The following PVT1 variants were observed in gnomAD, a reference collection of about 807,000 sequenced individuals.
PVT1 encodes the protein CXCR4/PVT1 fusion.
chr8:127,852,921 G>A (rs1815119779), intron 2 of PVT1, among the ~76,000 whole-genome samples: 3 of 152,196 alleles, frequency 2.0e-5, no homozygotes, highest in Admixed American at 6.5e-5. Context: ...CAGCTGACGT[G>A]GAGAGAGACT....
At chr8:127,851,134 G>A (rs1815103322) in intron 2 of PVT1, among the ~76,000 whole-genome samples, 1 of 152,150 alleles carries the variant, frequency 6.6e-6, no homozygotes, top group Admixed American at 6.5e-5. Flanking sequence ...TAAAACTGGG[G>A]ATGAAGGAAA....
rs576396287 is a variant in PVT1 at position 127,923,637 on chromosome 8, A to G, written n.782+32639A>G. 6.6e-5 allele frequency among the ~76,000 whole-genome samples: 10 copies of G among 152,342 alleles called. No homozygotes were observed. In the East Asian group the frequency reaches 1.7e-3, roughly 26 times the overall value. ...CATCACAGTCTCAGGGACTGTTCAC[A>G]TCACATTAAAAGCGCTGAGACTCTG... On this transcript the variant is annotated intron_variant and non_coding_transcript_variant, in intron 3 of 10. Transcript: ENST00000651587.
At chr8:127,860,255 A>G (rs979534147) in intron 2 of PVT1, among the ~76,000 whole-genome samples, 2 of 152,174 alleles carry the variant, frequency 1.3e-5, no homozygotes, top group African/African-American at 4.8e-5. Flanking sequence ...AGCTCTGGGC[A>G]CTGGGGTGCG....
intron 3 of PVT1, among the ~76,000 whole-genome samples, chr8:127,967,659 C>T (rs1816717930): frequency 6.6e-6 from 1 of 152,238 alleles, no homozygotes; most frequent in South Asian, 2.1e-4. Context: ...GAGCCATCTC[C>T]TGAATAAAGG....
chr8:127,811,407 C>T (rs1398319447), intron 2 of PVT1, among the ~76,000 whole-genome samples: 1 of 152,230 alleles, frequency 6.6e-6, no homozygotes, highest in Non-Finnish European at 1.5e-5. Context: ...TAACCCATTG[C>T]ACAAGCTCCC....
intron 2 of PVT1, among the ~76,000 whole-genome samples, chr8:127,810,482 C>A (rs1177135992): frequency 2.0e-5 from 3 of 152,170 alleles, no homozygotes; most frequent in Admixed American, 6.5e-5. Flanking sequence ...TGCATGGTGG[C>A]CCTGGGCGAG....
intron 2 of PVT1, among the ~76,000 whole-genome samples, chr8:127,866,796 T>C (rs1241135022): frequency 1.3e-5 from 2 of 152,210 alleles, no homozygotes; most frequent in African/African-American, 4.8e-5. Context: ...GGGAAGATCT[T>C]GGGCTCCGAG....
At chr8:127,824,340 TG>T (rs976956736) in intron 2 of PVT1, among the ~76,000 whole-genome samples, 2 of 152,190 alleles carry the variant, frequency 1.3e-5, no homozygotes, top group African/African-American at 4.8e-5. Context: ...GCCCCTCCCT[TG>T]GGGCCCCTTC....
intron 3 of PVT1, among the ~76,000 whole-genome samples, chr8:127,909,419 G>A (rs984636335): frequency 4.6e-5 from 7 of 152,180 alleles, no homozygotes; most frequent in Non-Finnish European, 8.8e-5. Flanking sequence ...CTGAATCATG[G>A]CTTTGTGCCT....
At chr8:127,812,490 G>A (rs925984714) in intron 2 of PVT1, among the ~76,000 whole-genome samples, 1 of 151,804 alleles carries the variant, frequency 6.6e-6, no homozygotes, top group African/African-American at 2.4e-5. Flanking sequence ...AGGATGGGAA[G>A]TTGAGGCTGC....
chr8:128,006,503 T>A (rs900180489), intron 4 of PVT1, among the ~76,000 whole-genome samples: 1 of 152,212 alleles, frequency 6.6e-6, no homozygotes, highest in Non-Finnish European at 1.5e-5. Flanking sequence ...TTTTTTTCTG[T>A]GTAATGAATA....
At chr8:127,942,275 T>C (rs1816362092) in intron 3 of PVT1, among the ~76,000 whole-genome samples, 1 of 152,220 alleles carries the variant, frequency 6.6e-6, no homozygotes, top group Non-Finnish European at 1.5e-5. Context: ...GAAGGGATCA[T>C]GGAGAATTTC....
chr8:127,917,017 T>C (rs576506721), intron 3 of PVT1, among the ~76,000 whole-genome samples: 6 of 152,204 alleles, frequency 3.9e-5, no homozygotes, highest in Non-Finnish European at 8.8e-5. Context: ...CAGTGAGTGC[T>C]AGAGTTTAAG....
intron 2 of PVT1, among the ~76,000 whole-genome samples, chr8:127,808,276 G>A (rs559129161): frequency 1.1e-4 from 17 of 152,090 alleles, no homozygotes; most frequent in South Asian, 8.3e-4. Flanking sequence ...TCAAACTCCT[G>A]ACCTCTGGTG....
At chr8:128,016,135 A>C (rs948719483) in intron 4 of PVT1, among the ~76,000 whole-genome samples, 11 of 152,074 alleles carry the variant, frequency 7.2e-5, no homozygotes, top group African/African-American at 2.4e-4. Context: ...AAAATTAGCC[A>C]CGTGTGGTGG....
At chr8:127,871,884 T>C (rs1172943678) in intron 2 of PVT1, among the ~76,000 whole-genome samples, 2 of 151,322 alleles carry the variant, frequency 1.3e-5, no homozygotes, top group African/African-American at 4.9e-5. Flanking sequence ...AGGTCAGGAG[T>C]TGGAGACCAA....
intron 2 of PVT1, among the ~76,000 whole-genome samples, chr8:127,864,620 T>C (rs1815266766): frequency 6.6e-6 from 1 of 152,116 alleles, no homozygotes; most frequent in Non-Finnish European, 1.5e-5. Flanking sequence ...CGATCTCGGC[T>C]CACTGCCAGC....
chr8:127,947,002 C>A (rs1353566707), intron 3 of PVT1: 10 of 152,142 alleles, frequency 6.6e-5, no homozygotes, highest in African/African-American at 2.4e-4. Context: ...TATTGAAATG[C>A]AGACTTGTTG....
intron 3 of PVT1, among the ~76,000 whole-genome samples, chr8:127,909,010 G>A (rs1021858731): frequency 6.6e-6 from 1 of 152,218 alleles, no homozygotes; most frequent in African/African-American, 2.4e-5. Flanking sequence ...GACGCTGCCC[G>A]TTTTTTCCCC....
Sources: gnomAD v4.1 joint callset for allele counts (sites outside exome capture counted in the v4.1 genomes callset) on GRCh38, gnomAD v4.1.1 for gene constraint, MANE v1.5 for transcripts, NCBI Gene and HGNC (gene_info 2026-07-23, HGNC 2026-07-21) for gene names.